The following FBXO9 variants were observed in gnomAD, a reference collection of about 807,000 sequenced individuals.
The protein encoded by FBXO9 is F-box protein 9.
Under a neutral mutation model 63.7 loss-of-function variants are expected in FBXO9, and 43 were observed. That is an observed-to-expected ratio of 0.67 (90% CI 0.53 to 0.87). FBXO9 has a LOEUF of 0.87. Ranked by LOEUF, FBXO9 falls within the 40% of genes least tolerant of loss-of-function variation. The pLI is 0.00. For synonymous variants in FBXO9, 156 were observed against 171.7 expected (o/e 0.91, Z 0.72); for missense variants, 442 against 533.2 (o/e 0.83, Z 1.68).
chr6:53,092,916 C>A, intron 9 of FBXO9, 92 bp downstream of exon 9: 2 of 740,196 alleles, frequency 2.7e-6, no homozygotes, highest in South Asian at 2.4e-5. Flanking sequence ...TTGATTGACC[C>A]GCAAAATGGC....
chr6:53,081,169 C>T, intron 6 of FBXO9, 71 bp downstream of exon 6: 1 of 1,484,870 alleles, frequency 6.7e-7, no homozygotes, highest in Non-Finnish European at 9.1e-7. Context: ...TTTATAAGGT[C>T]AGATAATTTG....
In FBXO9 at chr6:53,100,225, T is replaced by C. The variant is rs937945855; in HGVS notation, c.*2395T>C. 4 of 151,854 alleles carry C rather than the reference T, an allele frequency of 2.6e-5. No homozygotes were observed. The highest frequency in any genetic ancestry group is 9.7e-5 in the African/African-American group (4 of 41,114). The allele number at this position is 151,854 out of a possible 1,614,324, so 9.4% of individuals were successfully genotyped here. A position where few individuals can be genotyped will look rare whatever the true frequency, so the allele number is the denominator to read the frequency against. ...TAACCAGAAGAAAATTTTTGCTATGTAACCTTTTTCTTCTGGTCTTTGCAA... is the reference window on the plus strand; with the variant it reads ...TAACCAGAAGAAAATTTTTGCTATGCAACCTTTTTCTTCTGGTCTTTGCAA... On this transcript the variant is annotated 3_prime_UTR_variant, in exon 13 of 13. Coordinates refer to ENST00000323557, the MANE Select transcript of FBXO9 (RefSeq NM_033480.3).
At position 53,076,531 on chromosome 6, in the gene FBXO9, G is replaced by A. The variant is rs1308624161; in HGVS notation, c.295G>A (p.Ala99Thr). 6.5e-7 allele frequency: 1 copy of A among 1,547,698 alleles called. No homozygotes were observed. Among genetic ancestry groups the A allele is most frequent in the Non-Finnish European group, 8.6e-7 (1 of 1,157,460 alleles). ...LKAVEEEQNG[A>T]LYEAIKFYRR... ...AGCAGTAGAAGAAGAACAAAATGGA[G>A]CTCTCTATGAAGGTAAAAATTCAGA... is the stretch of plus-strand genomic sequence containing the variant. The change falls in exon 4 of 13, where the codon GCT (alanine) becomes ACT (threonine). Residue 99 changes from alanine to threonine, a missense_variant. This residue lies in a region of FBXO9 where 180 missense variants were observed against 171.1 expected (regional missense o/e 1.05). Transcript: ENST00000323557.
Position 53,095,560 on chromosome 6 carries a change from A to C in FBXO9, c.1101A>C (p.Gln367His), listed in dbSNP as rs781746650. 1.9e-6 allele frequency: 3 copies of C among 1,613,628 alleles called. No homozygotes were observed. In the Admixed American group the frequency reaches 5.0e-5, roughly 27 times the overall value. ...GATATTTTCGTCGTGTCCCTGTACA[A>C]GAAGCAGATCAGAGTTTTCATGTGG... ...KYRYFRRVPVQEADQSFHVGL... is the reference protein window; with the variant it reads ...KYRYFRRVPVHEADQSFHVGL... The change falls in exon 12 of 13, where the codon CAA becomes CAC. Residue 367 changes from glutamine (Q) to histidine (H), a missense_variant. Physicochemically the swap from Gln to His is conservative, Grantham distance 24 (BLOSUM62 0). This residue lies in a region of FBXO9 where 262 missense variants were observed against 362.1 expected (regional missense o/e 0.72). Transcript: ENST00000323557.
In FBXO9 at chr6:53,098,107, A is replaced by G; in HGVS notation, c.*277A>G. ...AGTTGGAATTAAGTTGCTTAAGCAT[A>G]TTTATGTTGTGAGAAACCTTAATAT... On this transcript the variant is annotated 3_prime_UTR_variant, in exon 13 of 13. Transcript: ENST00000323557. The G allele has an allele frequency of 3.2e-6, 1 of 314,404 alleles. No individual in the cohort carries two copies. Among genetic ancestry groups the G allele is most frequent in the Non-Finnish European group, 6.8e-6 (1 of 146,498 alleles). 19.5% of individuals were successfully genotyped at this position (314,404 alleles called of 1,614,324 possible). A position where few individuals can be genotyped will look rare whatever the true frequency, so the allele number is the denominator to read the frequency against.
At chr6:53,094,742 C>G in intron 11 of FBXO9, 1 of 442,048 alleles carries the variant, frequency 2.3e-6, no homozygotes, top group South Asian at 1.6e-5. Context: ...CCACCTGTTG[C>G]TGGCGTCTCC....
At chr6:53,077,684 A>AAACT (rs1562066368) in intron 4 of FBXO9, among the ~76,000 whole-genome samples, 1 of 152,168 alleles carries the variant, frequency 6.6e-6, no homozygotes, top group African/African-American at 2.4e-5. Flanking sequence ...AAATGCCCCA[A>AAACT]AACTAACATC....
At chr6:53,080,079 A>G (rs1184651509) in intron 5 of FBXO9, among the ~76,000 whole-genome samples, 1 of 152,136 alleles carries the variant, frequency 6.6e-6, no homozygotes, top group Non-Finnish European at 1.5e-5. Context: ...TTGTATTAAA[A>G]TATTAAAGAG....
chr6:53,070,902 C>T (rs954017940), intron 1 of FBXO9, 155 bp from the exon 2 acceptor site: 1 of 1,220,922 alleles, frequency 8.2e-7, no homozygotes, highest in South Asian at 1.9e-5. Flanking sequence ...ATAGTAAGGT[C>T]TCAAGTGCCC....
chr6:53,072,832 T>C (rs1332677474), intron 2 of FBXO9, among the ~76,000 whole-genome samples: 2 of 152,036 alleles, frequency 1.3e-5, no homozygotes, highest in African/African-American at 2.4e-5. Flanking sequence ...GCAATTCTCA[T>C]GGCTCAGCCT....
At chr6:53,065,820 G>C in intron 1 of FBXO9, 28 bp downstream of exon 1, 1 of 1,330,306 alleles carries the variant, frequency 7.5e-7, no homozygotes. Flanking sequence ...CTCGAGGGTG[G>C]ACGCCGCGGG....
intron 11 of FBXO9, chr6:53,094,944 A>G (rs1378962203): frequency 5.0e-6 from 1 of 201,908 alleles, no homozygotes. Flanking sequence ...TCAGAATATG[A>G]TGAAATATTC....
intron 7 of FBXO9, among the ~76,000 whole-genome samples, chr6:53,087,695 A>G (rs886972216): frequency 3.9e-5 from 6 of 152,244 alleles, no homozygotes; most frequent in Non-Finnish European, 8.8e-5. Context: ...CCAGGAAGAA[A>G]TAGAAACTGT....
intron 3 of FBXO9, among the ~76,000 whole-genome samples, chr6:53,076,107 G>A (rs1199316310): frequency 6.6e-6 from 1 of 152,076 alleles, no homozygotes; most frequent in Admixed American, 6.6e-5. Context: ...GTCTTTTATT[G>A]AATATGTGGC....
chr6:53,075,714 G>A (rs1769074036), intron 3 of FBXO9, among the ~76,000 whole-genome samples: 2 of 141,580 alleles, frequency 1.4e-5, no homozygotes, highest in Non-Finnish European at 3.1e-5. Flanking sequence ...TTTTCTAATT[G>A]GATTACATAT....
chr6:53,086,286 G>A (rs1318726885), intron 7 of FBXO9, among the ~76,000 whole-genome samples: 2 of 152,216 alleles, frequency 1.3e-5, no homozygotes, highest in Admixed American at 1.3e-4. Flanking sequence ...TGGCCACTGT[G>A]AAGTTACTTA....
Position 53,098,146 on chromosome 6 carries a change from C to A in FBXO9, c.*316C>A. 2 of 379,338 alleles carry A rather than the reference C, an allele frequency of 5.3e-6. No homozygotes were observed. Among genetic ancestry groups the A allele is most frequent in the Admixed American group, 2.7e-5 (1 of 37,172 alleles). The allele number at this position is 379,338 out of a possible 1,614,324, so 23.5% of individuals were successfully genotyped here. On this transcript the variant is annotated 3_prime_UTR_variant, in exon 13 of 13. Coordinates refer to ENST00000323557, the MANE Select transcript of FBXO9 (RefSeq NM_033480.3). Reference sequence around the variant, plus strand: ...AAACCTTAATATGAGGTTTATCATGCCCTTTTTCAAGCAGATTTATGAGCA... The same window carrying A: ...AAACCTTAATATGAGGTTTATCATGACCTTTTTCAAGCAGATTTATGAGCA...
At chr6:53,080,592 A>G (rs1208242839) in intron 5 of FBXO9, among the ~76,000 whole-genome samples, 1 of 152,212 alleles carries the variant, frequency 6.6e-6, no homozygotes, top group Non-Finnish European at 1.5e-5. Flanking sequence ...TGACGTCTGT[A>G]GATTTGGTTT....
At position 53,065,595 on chromosome 6, in the gene FBXO9, C is replaced by T; in HGVS notation, c.-195C>T. On this transcript the variant is annotated 5_prime_UTR_variant, in exon 1 of 13. Coordinates refer to ENST00000323557, the MANE Select transcript of FBXO9 (RefSeq NM_033480.3). ...CGCGCCCCGATCTGGCCCCCTGCCC[C>T]GCGAAGATGGCTGCCGTACGCCGGG... 3.3e-6 allele frequency: 2 copies of T among 613,110 alleles called. No homozygotes were observed. Among genetic ancestry groups the T allele is most frequent in the East Asian group, 3.5e-5 (1 of 28,776 alleles). 38.0% of individuals were successfully genotyped at this position (613,110 alleles called of 1,614,324 possible). A position where few individuals can be genotyped will look rare whatever the true frequency, so the allele number is the denominator to read the frequency against.
Sources: allele counts gnomAD v4.1 joint callset (sites outside exome capture counted in the v4.1 genomes callset), GRCh38; gene constraint gnomAD v4.1.1; regional missense constraint gnomAD v4.1.1; transcripts MANE v1.5; gene names NCBI Gene and HGNC (gene_info 2026-07-23, HGNC 2026-07-21).